HAPLN1: variants seen among roughly 807,000 people sequenced by gnomAD.
HAPLN1 encodes the protein hyaluronan and proteoglycan link protein 1.
HAPLN1 carries 13 observed loss-of-function variants against 36.5 expected under a neutral mutation model. That is an observed-to-expected ratio of 0.36 (90% CI 0.23 to 0.57). The LOEUF (loss-of-function observed/expected upper bound fraction) is 0.57. Ranked by LOEUF, HAPLN1 falls within the 20% of genes least tolerant of loss-of-function variation. HAPLN1 has a pLI of 0.83. For synonymous variants in HAPLN1, 202 were observed against 169.8 expected, an observed-to-expected ratio of 1.19 and a Z score of -1.48; for missense variants, 407 against 439.7, an observed-to-expected ratio of 0.93 and a Z score of 0.66.
chr5:83,695,301 T>C (rs1457455887), intron 1 of HAPLN1, among the ~76,000 whole-genome samples: 1 of 151,672 alleles, frequency 6.6e-6, no homozygotes, highest in Non-Finnish European at 1.5e-5. Context: ...AATTTTTGTA[T>C]TTTTAGTAGA....
chr5:83,679,941 T>G (rs544871064), intron 1 of HAPLN1, among the ~76,000 whole-genome samples: 35 of 152,348 alleles, frequency 2.3e-4, no homozygotes, highest in African/African-American at 8.4e-4. Context: ...TCTCTTCTAC[T>G]TATGTTGCAT....
intron 2 of HAPLN1, among the ~76,000 whole-genome samples, chr5:83,662,462 A>G (rs1216336398): frequency 1.3e-5 from 2 of 152,224 alleles, no homozygotes; most frequent in East Asian, 1.9e-4. Context: ...TTATGGATAA[A>G]TAACTAGCAT....
chr5:83,646,133 A>G (rs1218973622), intron 3 of HAPLN1, among the ~76,000 whole-genome samples: 1 of 152,248 alleles, frequency 6.6e-6, no homozygotes, highest in East Asian at 1.9e-4. Context: ...TTAAAGGCTA[A>G]GGATTACCAC....
intron 1 of HAPLN1, among the ~76,000 whole-genome samples, chr5:83,709,275 A>C (rs79953201): frequency 0.013 from 1,947 of 152,294 alleles, 19 homozygotes; most frequent in Middle Eastern, 0.027. Context: ...TATTGGGCAA[A>C]TGTTCTTTTT....
chr5:83,684,526 G>T (rs910683402), intron 1 of HAPLN1, among the ~76,000 whole-genome samples: 1 of 152,176 alleles, frequency 6.6e-6, no homozygotes, highest in South Asian at 2.1e-4. Flanking sequence ...ATATAGAAAC[G>T]GTTTCAGAAA....
intron 1 of HAPLN1, among the ~76,000 whole-genome samples, chr5:83,680,702 C>A (rs1457323034): frequency 6.6e-6 from 1 of 152,030 alleles, no homozygotes; most frequent in Non-Finnish European, 1.5e-5. Flanking sequence ...ATTTTTTATG[C>A]CCTAAAATCA....
At chr5:83,708,777 T>C (rs932708836) in intron 1 of HAPLN1, among the ~76,000 whole-genome samples, 1 of 152,232 alleles carries the variant, frequency 6.6e-6, no homozygotes, top group African/African-American at 2.4e-5. Flanking sequence ...TTCCTTCTGC[T>C]ACATTAAAAA....
At chr5:83,713,335 G>C (rs1751838548) in intron 1 of HAPLN1, among the ~76,000 whole-genome samples, 1 of 152,160 alleles carries the variant, frequency 6.6e-6, no homozygotes, top group South Asian at 2.1e-4. Flanking sequence ...GGACTGACTA[G>C]GACTGTGAGA....
intron 1 of HAPLN1, among the ~76,000 whole-genome samples, chr5:83,705,375 A>G (rs1751615132): frequency 7.6e-6 from 1 of 131,104 alleles, no homozygotes; most frequent in South Asian, 2.8e-4. Context: ...GGGTGACAAG[A>G]GTGAAACGTC....
At chr5:83,698,783 A>T in intron 1 of HAPLN1, among the ~76,000 whole-genome samples, 1 of 152,198 alleles carries the variant, frequency 6.6e-6, no homozygotes, top group East Asian at 1.9e-4. Context: ...ACACAGTAAA[A>T]ATCTTAATTG....
intron 1 of HAPLN1, among the ~76,000 whole-genome samples, chr5:83,690,672 A>G (rs1433566052): frequency 6.6e-6 from 1 of 151,964 alleles, no homozygotes; most frequent in African/African-American, 2.4e-5. Context: ...TTATCTGCTA[A>G]TTTATGAATT....
At chr5:83,716,847 C>T (rs1361698271) in intron 1 of HAPLN1, among the ~76,000 whole-genome samples, 2 of 152,120 alleles carry the variant, frequency 1.3e-5, no homozygotes, top group Non-Finnish European at 2.9e-5. Context: ...ACCTGGCCAA[C>T]ATGGTGAAAC....
At chr5:83,683,273 T>G (rs1751047885) in intron 1 of HAPLN1, among the ~76,000 whole-genome samples, 1 of 152,168 alleles carries the variant, frequency 6.6e-6, no homozygotes, top group African/African-American at 2.4e-5. Flanking sequence ...TTCCCATCAT[T>G]ACAGTTACCA....
chr5:83,690,832 CTGAG>C (rs1421130168), intron 1 of HAPLN1, among the ~76,000 whole-genome samples: 4 of 151,794 alleles, frequency 2.6e-5, no homozygotes, highest in African/African-American at 7.3e-5. Context: ...TAATACTATC[CTGAG>C]TATTTTATTA....
chr5:83,645,726 G>A (rs28681291), intron 3 of HAPLN1, among the ~76,000 whole-genome samples: 2,737 of 152,076 alleles, frequency 0.018, 87 homozygotes, highest in African/African-American at 0.061. Flanking sequence ...TACTTTTAAT[G>A]TAGCCCTTAA....
intron 1 of HAPLN1, among the ~76,000 whole-genome samples, chr5:83,684,050 T>C: frequency 6.6e-6 from 1 of 152,042 alleles, no homozygotes; most frequent in East Asian, 1.9e-4. Flanking sequence ...CAAGGAGTAG[T>C]GTTCTTTAGT....
chr5:83,687,495 T>G (rs1437721489), intron 1 of HAPLN1, among the ~76,000 whole-genome samples: 1 of 152,184 alleles, frequency 6.6e-6, no homozygotes, highest in African/African-American at 2.4e-5. Context: ...ATGGAATCTG[T>G]GTCCCTGAAT....
In HAPLN1 at chr5:83,652,689, A is replaced by G; in HGVS notation, c.236T>C (p.Ile79Thr). 1 of 1,614,102 alleles carries G rather than the reference A, an allele frequency of 6.2e-7. No homozygotes were observed. Among genetic ancestry groups the G allele is most frequent in the Non-Finnish European group, 8.5e-7 (1 of 1,179,998 alleles). The change falls in exon 3 of 5, where the codon ATT becomes ACT. Residue 79 changes from isoleucine to threonine, a missense_variant. Physicochemically the swap from Ile to Thr is moderately conservative, Grantham distance 89. Transcript: ENST00000274341. ...ATCCGAAGTTAGCTTGGTCCACTTAATTCGGATTTTATGGATTCCTGAGCC... is the reference window on the plus strand; with the variant it reads ...ATCCGAAGTTAGCTTGGTCCACTTAGTTCGGATTTTATGGATTCCTGAGCC... ...AFGSGIHKIR[I>T]KWTKLTSDYL...
In HAPLN1 at chr5:83,639,789, A is replaced by C. The variant is rs1021029672; in HGVS notation, c.*1707T>G. The C allele has an allele frequency of 2.0e-5, 3 of 152,112 alleles. No homozygotes were observed. Among genetic ancestry groups the C allele is most frequent in the Admixed American group, 6.5e-5 (1 of 15,276 alleles). 9.4% of individuals were successfully genotyped at this position (152,112 alleles called of 1,614,324 possible). On this transcript the variant is annotated 3_prime_UTR_variant, in exon 5 of 5. Coordinates refer to ENST00000274341, the MANE Select transcript of HAPLN1 (RefSeq NM_001884.4). ...GCATACATAACATTGTCATCTTTTA[A>C]TATTAAAGCATCTGAAAATTTTCAG...
Sources: allele counts gnomAD v4.1 joint callset (sites outside exome capture counted in the v4.1 genomes callset), GRCh38; gene constraint gnomAD v4.1.1; transcripts MANE v1.5; gene names NCBI Gene and HGNC (gene_info 2026-07-23, HGNC 2026-07-21).